The following CNTN6 variants were observed in gnomAD, a reference collection of about 807,000 sequenced individuals.
The protein encoded by CNTN6 is contactin-6.
CNTN6 carries 137 observed loss-of-function variants against 122.8 expected under a neutral mutation model. That is an observed-to-expected ratio of 1.12 (90% CI 0.97 to 1.29). The LOEUF is 1.29. Among genes scored for constraint, CNTN6 ranks in the 50% most tolerant of loss-of-function variants. CNTN6 has a pLI of 0.00. For synonymous variants in CNTN6, 570 were observed against 426.0 expected, an observed-to-expected ratio of 1.34 and a Z score of -4.16; for missense variants, 1,634 against 1,223.4, an observed-to-expected ratio of 1.34 and a Z score of -5.01.
At chr3:1,229,628 C>A (rs1233495419) in intron 4 of CNTN6, among the ~76,000 whole-genome samples, 6 of 152,170 alleles carry the variant, frequency 3.9e-5, no homozygotes, top group African/African-American at 1.4e-4. Context: ...ATCATACCTT[C>A]TTTCTGCTTT....
intron 4 of CNTN6, among the ~76,000 whole-genome samples, chr3:1,266,803 C>G (rs540539150): frequency 6.6e-6 from 1 of 152,090 alleles, no homozygotes; most frequent in Non-Finnish European, 1.5e-5. Context: ...TGCAGTTGTT[C>G]TTGGAAGGGC....
intron 11 of CNTN6, among the ~76,000 whole-genome samples, chr3:1,351,336 C>G (rs1273838753): frequency 6.6e-6 from 1 of 151,942 alleles, no homozygotes; most frequent in Non-Finnish European, 1.5e-5. Flanking sequence ...AATTGTCTAG[C>G]CTTTCTTGCC....
At chr3:1,402,774 C>A (rs558818394) in intron 22 of CNTN6, 65 of 269,298 alleles carry the variant, frequency 2.4e-4, no homozygotes, top group Admixed American at 6.3e-4. Flanking sequence ...TCACAAAAAT[C>A]AGAAAGATTT....
intron 6 of CNTN6, 68 bp from the exon 7 acceptor site, chr3:1,297,821 T>C (rs1696534424): frequency 8.2e-7 from 1 of 1,220,752 alleles, no homozygotes; most frequent in Non-Finnish European, 1.2e-6. Context: ...TTTTGGTTAA[T>C]GAAGCATTTA....
intron 1 of CNTN6, among the ~76,000 whole-genome samples, chr3:1,121,157 C>T (rs1043032402): frequency 4.6e-5 from 7 of 151,830 alleles, no homozygotes; most frequent in African/African-American, 1.7e-4. Context: ...TATGTAACTC[C>T]CTTTCCTTTT....
intron 1 of CNTN6, among the ~76,000 whole-genome samples, chr3:1,120,114 C>T (rs537104175): frequency 6.0e-5 from 9 of 150,464 alleles, no homozygotes; most frequent in African/African-American, 1.7e-4. Context: ...TTTATCCATT[C>T]ACCTATTGAT....
chr3:1,328,232 G>A (rs1701808211), intron 10 of CNTN6, among the ~76,000 whole-genome samples: 1 of 151,808 alleles, frequency 6.6e-6, no homozygotes, highest in African/African-American at 2.4e-5. Context: ...TCAAGAGGAG[G>A]TAGAAAAATA....
intron 4 of CNTN6, among the ~76,000 whole-genome samples, chr3:1,243,203 C>T (rs1182654499): frequency 2.6e-5 from 4 of 152,062 alleles, no homozygotes; most frequent in South Asian, 2.1e-4. Context: ...ACAGATGGGA[C>T]GCGGCTTACG....
intron 5 of CNTN6, among the ~76,000 whole-genome samples, chr3:1,279,273 A>C (rs1252696203): frequency 6.6e-6 from 1 of 152,198 alleles, no homozygotes; most frequent in Admixed American, 6.5e-5. Flanking sequence ...GATTTTCTCA[A>C]ATTTCACATG....
At chr3:1,223,326 G>A (rs1435904027) in intron 3 of CNTN6, among the ~76,000 whole-genome samples, 1 of 152,172 alleles carries the variant, frequency 6.6e-6, no homozygotes, top group Non-Finnish European at 1.5e-5. Context: ...TTCATAAAAT[G>A]AGGCTGGGTT....
chr3:1,323,077 C>A (rs774937066), intron 8 of CNTN6, among the ~76,000 whole-genome samples: 1 of 151,642 alleles, frequency 6.6e-6, no homozygotes, highest in African/African-American at 2.4e-5. Context: ...ACAAAGGTAT[C>A]TGTAAACTGG....
intron 2 of CNTN6, among the ~76,000 whole-genome samples, chr3:1,189,675 G>A (rs1012260089): frequency 1.7e-4 from 26 of 152,054 alleles, no homozygotes; most frequent in Admixed American, 1.7e-3. Flanking sequence ...ATTATCTGTG[G>A]ATGCTTGCAT....
chr3:1,278,621 C>G (rs1184448791), intron 5 of CNTN6, 113 bp downstream of exon 5: 1 of 647,120 alleles, frequency 1.5e-6, no homozygotes, highest in African/African-American at 1.8e-5. Context: ...GAAATTGTGA[C>G]TCTCGTCAAG....
At chr3:1,381,346 C>T (rs1336788064) in intron 17 of CNTN6, among the ~76,000 whole-genome samples, 9 of 152,134 alleles carry the variant, frequency 5.9e-5, no homozygotes, top group Admixed American at 1.3e-4. Context: ...CCCAGATGTC[C>T]GGAGCAGCAC....
At chr3:1,192,532 G>A (rs2093716989) in intron 2 of CNTN6, among the ~76,000 whole-genome samples, 2 of 152,096 alleles carry the variant, frequency 1.3e-5, no homozygotes, top group Admixed American at 6.6e-5. Context: ...TGTGCTCATT[G>A]AGCTCCATCT....
In CNTN6 at chr3:1,383,091, T is replaced by C. The variant is rs141777430; in HGVS notation, c.2316T>C (p.Ser772=). ...GAAATGAAAGCATCATCCCACTGTC[T>C]CCCTTTGAAGTCAAAGTGGGTGTGT... ...VYRNESIIPL[S]PFEVKVGVYN... is the part of the protein sequence containing the mutation. The change falls in exon 18 of 23, where the codon TCT becomes TCC. Residue 772 remains serine, a synonymous_variant. Coordinates refer to ENST00000446702, the MANE Select transcript of CNTN6 (RefSeq NM_001289080.2). 41 of 1,613,890 alleles carry C rather than the reference T, an allele frequency of 2.5e-5. No homozygotes were observed. The highest frequency in any genetic ancestry group is 3.4e-5 in the Non-Finnish European group (40 of 1,179,920).
At chr3:1,331,220 C>G (rs1702242721) in intron 11 of CNTN6, among the ~76,000 whole-genome samples, 2 of 151,956 alleles carry the variant, frequency 1.3e-5, no homozygotes, top group Admixed American at 1.3e-4. Flanking sequence ...TTTCCTTATT[C>G]TCTGCATTTC....
chr3:1,287,640 T>A (rs1170879475), intron 5 of CNTN6, among the ~76,000 whole-genome samples: 1 of 151,864 alleles, frequency 6.6e-6, no homozygotes. Flanking sequence ...AAATAAGATG[T>A]GGTAAAGAAG....
intron 12 of CNTN6, among the ~76,000 whole-genome samples, chr3:1,372,063 A>G (rs748628037): frequency 2.6e-5 from 4 of 152,138 alleles, no homozygotes; most frequent in Non-Finnish European, 5.9e-5. Context: ...AGTTTTCTGT[A>G]AACTATTTTC....
Sources: gnomAD v4.1 joint callset for allele counts (sites outside exome capture counted in the v4.1 genomes callset) on GRCh38, gnomAD v4.1.1 for gene constraint, MANE v1.5 for transcripts, NCBI Gene and HGNC (gene_info 2026-07-23, HGNC 2026-07-21) for gene names.